CSMD1: variants seen among roughly 807,000 people sequenced by gnomAD.
The protein encoded by CSMD1 is CUB and Sushi multiple domains 1.
Under a neutral mutation model 417.5 loss-of-function variants are expected in CSMD1, and 213 were observed. The observed-to-expected ratio is 0.51, with a 90% CI of 0.46 to 0.57. The LOEUF (loss-of-function observed/expected upper bound fraction) is 0.57. Among genes scored for constraint, CSMD1 ranks in the 20% least tolerant of loss-of-function variants. The pLI is 0.00. For missense variants in CSMD1, 6,923 were observed against 4,529.7 expected, an observed-to-expected ratio of 1.53 and a Z score of -15.17; for synonymous variants, 2,862 against 1,736.8, an observed-to-expected ratio of 1.65 and a Z score of -16.11.
At chr8:4,021,667 C>A (rs569695455) in intron 4 of CSMD1, among the ~76,000 whole-genome samples, 1 of 152,260 alleles carries the variant, frequency 6.6e-6, no homozygotes, top group Admixed American at 6.5e-5. Flanking sequence ...TCTCTTTTGG[C>A]GCATACCTGC....
intron 10 of CSMD1, among the ~76,000 whole-genome samples, chr8:3,556,512 A>ACACG (rs950608285): frequency 1.3e-5 from 1 of 79,724 alleles, no homozygotes; most frequent in Non-Finnish European, 2.3e-5. Context: ...CTTCTTTTTC[A>ACACG]CACGCACACA....
At chr8:3,433,514 C>A (rs1182536910) in intron 12 of CSMD1, among the ~76,000 whole-genome samples, 1 of 152,052 alleles carries the variant, frequency 6.6e-6, no homozygotes, top group Non-Finnish European at 1.5e-5. Context: ...TTTTCAAGAT[C>A]TCCTTATTAT....
intron 1 of CSMD1, among the ~76,000 whole-genome samples, chr8:4,856,249 A>G (rs1337253993): frequency 7.1e-6 from 1 of 139,908 alleles, no homozygotes; most frequent in Non-Finnish European, 1.6e-5. Flanking sequence ...CTGCCTTACA[A>G]GAGCTCCTGA....
chr8:4,301,311 G>T (rs144744501), intron 3 of CSMD1, among the ~76,000 whole-genome samples: 74 of 152,272 alleles, frequency 4.9e-4, no homozygotes, highest in African/African-American at 1.8e-3. Flanking sequence ...CAAAATACCA[G>T]TGCCATGACC....
intron 26 of CSMD1, among the ~76,000 whole-genome samples, chr8:3,271,007 C>A (rs569889910): frequency 1.3e-5 from 2 of 151,622 alleles, no homozygotes; most frequent in East Asian, 3.9e-4. Context: ...ATACATGTGC[C>A]ATGCTGGTGC....
chr8:3,429,428 G>A (rs557431793), intron 12 of CSMD1, among the ~76,000 whole-genome samples: 2 of 152,278 alleles, frequency 1.3e-5, no homozygotes, highest in African/African-American at 4.8e-5. Flanking sequence ...AGTGACCCAA[G>A]GGAAATGGAA....
chr8:4,024,655 C>G (rs1026134458), intron 4 of CSMD1, among the ~76,000 whole-genome samples: 2 of 152,110 alleles, frequency 1.3e-5, no homozygotes, highest in African/African-American at 4.8e-5. Context: ...TGGGCCTCAG[C>G]ATATTGCCAA....
chr8:3,889,747 G>T (rs1023339958), intron 5 of CSMD1, among the ~76,000 whole-genome samples: 2 of 151,694 alleles, frequency 1.3e-5, no homozygotes, highest in African/African-American at 2.4e-5. Flanking sequence ...ATTATGTATA[G>T]TATCACCTTA....
chr8:3,298,007 G>C (rs1804099312), intron 25 of CSMD1, among the ~76,000 whole-genome samples: 1 of 152,124 alleles, frequency 6.6e-6, no homozygotes, highest in Non-Finnish European at 1.5e-5. Flanking sequence ...TGTTTACCTT[G>C]ATCAGTCGTC....
chr8:3,122,125 A>G (rs879564517), intron 41 of CSMD1, among the ~76,000 whole-genome samples: 1 of 152,150 alleles, frequency 6.6e-6, no homozygotes, highest in Non-Finnish European at 1.5e-5. Context: ...ACTCAGTGCT[A>G]TCTTTTGAGA....
At chr8:3,467,745 C>T (rs1285230891) in intron 12 of CSMD1, among the ~76,000 whole-genome samples, 2 of 152,146 alleles carry the variant, frequency 1.3e-5, no homozygotes, top group Admixed American at 1.3e-4. Context: ...CTCACATGGA[C>T]TCATGACAAT....
chr8:3,018,796 C>T, intron 51 of CSMD1, 146 bp from the exon 52 acceptor site: 1 of 710,476 alleles, frequency 1.4e-6, no homozygotes, highest in South Asian at 2.0e-5. Flanking sequence ...AGAGTGTCTG[C>T]TTAGGGCTGG....
intron 2 of CSMD1, among the ~76,000 whole-genome samples, chr8:4,467,273 A>C (rs1800238957): frequency 1.3e-5 from 2 of 152,184 alleles, no homozygotes; most frequent in Non-Finnish European, 1.5e-5. Context: ...ATTCGTGTTC[A>C]ATTAAACCAA....
intron 2 of CSMD1, among the ~76,000 whole-genome samples, chr8:4,450,549 C>T (rs983089408): frequency 5.9e-5 from 9 of 152,006 alleles, no homozygotes; most frequent in Admixed American, 5.2e-4. Context: ...GCACGGGATT[C>T]ACTTGAACCC....
chr8:3,508,173 A>G lies in CSMD1; in HGVS notation c.1345-14447T>C, dbSNP rs191272835. 3.5e-3 allele frequency among the ~76,000 whole-genome samples: 533 copies of G among 152,288 alleles called. 1 individual carries two copies. Among genetic ancestry groups the G allele is most frequent in the African/African-American group, 0.012 (487 of 41,552 alleles). ...CTCACTCATAGGTGGGAATTGAACA[A>G]TGACCAACCTCCTTGTCTCTTTGGT... is the stretch of plus-strand genomic sequence containing the variant. On this transcript the variant is annotated intron_variant, in intron 10 of 69. Transcript: ENST00000635120.
At chr8:3,330,039 G>A (rs17080018) in intron 23 of CSMD1, among the ~76,000 whole-genome samples, 6,910 of 152,268 alleles carry the variant, frequency 0.045, 406 homozygotes, top group East Asian at 0.25. Flanking sequence ...TGTATAAGAA[G>A]CTCAAGCCCA....
intron 1 of CSMD1, among the ~76,000 whole-genome samples, chr8:4,929,018 C>T (rs543732920): frequency 6.6e-6 from 1 of 152,226 alleles, no homozygotes; most frequent in Admixed American, 6.5e-5. Flanking sequence ...TTGCAGTGAG[C>T]CGAGATTGCA....
At chr8:4,490,323 A>G (rs557821104) in intron 2 of CSMD1, among the ~76,000 whole-genome samples, 2 of 152,280 alleles carry the variant, frequency 1.3e-5, no homozygotes, top group South Asian at 4.2e-4. Flanking sequence ...TACAGGCATG[A>G]GCCACCATAT....
intron 2 of CSMD1, among the ~76,000 whole-genome samples, chr8:4,613,444 G>C (rs1316258899): frequency 6.6e-6 from 1 of 152,098 alleles, no homozygotes; most frequent in Admixed American, 6.5e-5. Context: ...GTTGCCTCCA[G>C]AACCAAGTTT....
Sources: allele counts gnomAD v4.1 joint callset (sites outside exome capture counted in the v4.1 genomes callset), GRCh38; gene constraint gnomAD v4.1.1; transcripts MANE v1.5; gene names NCBI Gene and HGNC (gene_info 2026-07-23, HGNC 2026-07-21).